Variants in RANBP2 observed in about 807,000 individuals in gnomAD.
RANBP2 encodes RAN binding protein 2.
In RANBP2, 57 loss-of-function variants were observed where a neutral mutation model predicts 303.6. The observed-to-expected ratio is 0.19, with a 90% CI of 0.15 to 0.23. The LOEUF is 0.23. Ranked by LOEUF, RANBP2 falls within the 10% of genes least tolerant of loss-of-function variation. RANBP2 has a pLI of 1.00. For synonymous variants in RANBP2, 1,167 were observed against 1,301.5 expected (o/e 0.90, Z 2.23); for missense variants, 3,138 against 3,780.8 (o/e 0.83, Z 4.46).
chr2:109,081,949 G>A, the RANBP2 span, among the ~76,000 whole-genome samples: 1 of 152,326 alleles, frequency 6.6e-6, no homozygotes, highest in East Asian at 1.9e-4. Flanking sequence ...CTCCGTATTT[G>A]TCCTCCACAC....
At chr2:109,563,602 T>C in the RANBP2 span, among the ~76,000 whole-genome samples, 1 of 152,140 alleles carries the variant, frequency 6.6e-6, no homozygotes, top group Non-Finnish European at 1.5e-5. Context: ...CCATATAAAA[T>C]TACCAAGGAA....
At chr2:109,441,357 A>G in the RANBP2 span, among the ~76,000 whole-genome samples, 1 of 152,222 alleles carries the variant, frequency 6.6e-6, no homozygotes, top group Admixed American at 6.5e-5. Flanking sequence ...GAGACATAAT[A>G]GACCCAAATC....
At chr2:108,911,919 G>A in the RANBP2 span, among the ~76,000 whole-genome samples, 6 of 152,314 alleles carry the variant, frequency 3.9e-5, no homozygotes, top group East Asian at 9.6e-4. Flanking sequence ...CTGTAATAGC[G>A]TTAGCATGCC....
At chr2:109,610,796 T>G in the RANBP2 span, among the ~76,000 whole-genome samples, 5 of 152,230 alleles carry the variant, frequency 3.3e-5, no homozygotes, top group African/African-American at 1.2e-4. Flanking sequence ...CAATTCTCCC[T>G]AAATCGATAT....
the RANBP2 span, among the ~76,000 whole-genome samples, chr2:109,100,437 C>G: frequency 1.3e-5 from 2 of 152,174 alleles, no homozygotes; most frequent in African/African-American, 4.8e-5. Flanking sequence ...TCCCCCAACC[C>G]CCATCTCAGT....
At chr2:109,658,969 G>C in the RANBP2 span, among the ~76,000 whole-genome samples, 1 of 152,164 alleles carries the variant, frequency 6.6e-6, no homozygotes, top group Admixed American at 6.5e-5. Flanking sequence ...GGAGTCTGAG[G>C]CATGAGAATG....
the RANBP2 span, among the ~76,000 whole-genome samples, chr2:109,197,490 C>T: frequency 2.0e-5 from 3 of 151,926 alleles, no homozygotes; most frequent in African/African-American, 4.9e-5. Flanking sequence ...CAAATGAGAC[C>T]CTATTTGTGA....
At chr2:109,303,625 G>A in the RANBP2 span, among the ~76,000 whole-genome samples, 5 of 152,262 alleles carry the variant, frequency 3.3e-5, no homozygotes, top group African/African-American at 4.8e-5. Flanking sequence ...GACAAAGTCA[G>A]GGAGGCAACA....
chr2:109,710,836 G>C, the RANBP2 span, among the ~76,000 whole-genome samples: 1 of 152,172 alleles, frequency 6.6e-6, no homozygotes, highest in Non-Finnish European at 1.5e-5. Flanking sequence ...CAAGTCAGCA[G>C]CTTTGGCATA....
the RANBP2 span, among the ~76,000 whole-genome samples, chr2:109,505,242 G>T: frequency 6.6e-6 from 1 of 152,336 alleles, no homozygotes; most frequent in South Asian, 2.1e-4. Flanking sequence ...GCAGAGGGCT[G>T]GGCCGCCAGC....
the RANBP2 span, among the ~76,000 whole-genome samples, chr2:109,447,148 A>T: frequency 7.8e-4 from 65 of 82,886 alleles, no homozygotes; most frequent in Middle Eastern, 5.6e-3. Context: ...CTGAATATTT[A>T]AAAAAAAAAA....
the RANBP2 span, among the ~76,000 whole-genome samples, chr2:109,249,523 C>CTTTCTTTCTTTCTTTCTTTCTT: frequency 9.3e-6 from 1 of 107,296 alleles, no homozygotes; most frequent in African/African-American, 3.6e-5. Flanking sequence ...CTTTCTTTTT[C>CTTTCTTTCTTTCTTTCTTTCTT]TTTCTTTCTT....
chr2:108,728,946 A>G (rs1259881097), intron 1 of RANBP2, among the ~76,000 whole-genome samples, 186 bp from the exon 2 acceptor site: 3 of 152,150 alleles, frequency 2.0e-5, no homozygotes, highest in Non-Finnish European at 4.4e-5. Flanking sequence ...ACCCAGCTCT[A>G]TTTTTTGTTT....
At chr2:109,645,084 T>G in the RANBP2 span, among the ~76,000 whole-genome samples, 278 of 152,320 alleles carry the variant, frequency 1.8e-3, 1 homozygote, top group African/African-American at 5.9e-3. Flanking sequence ...CCTAAATGTC[T>G]GTGTGCATGG....
chr2:108,815,461 G>GTTTTTTTTTTT, the RANBP2 span, among the ~76,000 whole-genome samples: 17 of 70,742 alleles, frequency 2.4e-4, no homozygotes, highest in East Asian at 4.7e-4. Flanking sequence ...GGTTTTTGGT[G>GTTTTTTTTTTT]TTTTTTTTTT....
the RANBP2 span, among the ~76,000 whole-genome samples, chr2:109,062,273 T>C: frequency 6.6e-6 from 1 of 152,330 alleles, no homozygotes; most frequent in Admixed American, 6.5e-5. Flanking sequence ...TTCCTACCAG[T>C]TGGAGACACA....
the RANBP2 span, among the ~76,000 whole-genome samples, chr2:109,096,481 ATTG>A: frequency 2.0e-5 from 3 of 152,274 alleles, no homozygotes; most frequent in East Asian, 1.9e-4. Flanking sequence ...TCCACAGACA[ATTG>A]TTGTCCCATT....
chr2:109,580,534 A>G, the RANBP2 span, among the ~76,000 whole-genome samples: 1 of 152,196 alleles, frequency 6.6e-6, no homozygotes, highest in South Asian at 2.1e-4. Flanking sequence ...TCTCTTTGGG[A>G]TTAGGATGAT....
At chr2:109,105,364 G>C in the RANBP2 span, among the ~76,000 whole-genome samples, 1 of 152,126 alleles carries the variant, frequency 6.6e-6, no homozygotes, top group Admixed American at 6.5e-5. Flanking sequence ...GTGCTGGCAG[G>C]CCACTGTGCA....
Sources: gnomAD v4.1 joint callset for allele counts (sites outside exome capture counted in the v4.1 genomes callset) on GRCh38, gnomAD v4.1.1 for gene constraint, MANE v1.5 for transcripts, NCBI Gene and HGNC (gene_info 2026-07-23, HGNC 2026-07-21) for gene names.